CFAP91: variants seen among roughly 807,000 people sequenced by gnomAD.
The protein encoded by CFAP91 is cilia- and flagella-associated protein 91.
A neutral mutation model predicts 95.9 loss-of-function variants in CFAP91; 85 were observed. The observed-to-expected ratio is 0.89, with a 90% confidence interval of 0.74 to 1.06. The LOEUF (loss-of-function observed/expected upper bound fraction) is 1.06, where lower values mean the gene tolerates loss of function less well. Ranked by LOEUF, CFAP91 falls within the 50% of genes least tolerant of loss-of-function variation. CFAP91 has a pLI of 0.00. For synonymous variants in CFAP91, 335 were observed against 327.5 expected (o/e 1.02, Z -0.25); for missense variants, 962 against 943.4 (o/e 1.02, Z -0.26).
intron 17 of CFAP91, among the ~76,000 whole-genome samples, chr3:119,753,884 A>G (rs1403154731): frequency 2.0e-5 from 3 of 152,220 alleles, no homozygotes; most frequent in African/African-American, 7.2e-5. Flanking sequence ...CACAGTCTTT[A>G]AAATAACTAT....
intron 1 of CFAP91, among the ~76,000 whole-genome samples, chr3:119,703,584 A>G (rs2053301237): frequency 6.6e-6 from 1 of 151,694 alleles, no homozygotes. Flanking sequence ...TTTCTCTCCA[A>G]CTCTCTGGGC....
intron 13 of CFAP91, among the ~76,000 whole-genome samples, chr3:119,743,358 T>A (rs934978916): frequency 1.3e-5 from 2 of 152,130 alleles, no homozygotes; most frequent in African/African-American, 4.8e-5. Flanking sequence ...CCTCAGGTGA[T>A]CCACCCGCCT....
At chr3:119,707,831 C>T (rs182446691) in intron 3 of CFAP91, among the ~76,000 whole-genome samples, 284 of 151,406 alleles carry the variant, frequency 1.9e-3, no homozygotes, top group Middle Eastern at 6.9e-3. Context: ...AACTTAGCAA[C>T]TGAAAGTGCT....
intron 6 of CFAP91, among the ~76,000 whole-genome samples, chr3:119,718,435 A>G (rs1488749872): frequency 6.6e-6 from 1 of 152,204 alleles, no homozygotes; most frequent in Non-Finnish European, 1.5e-5. Context: ...AGATAAAAGA[A>G]AAGTAAGAGC....
At chr3:119,728,566 A>G (rs908201282) in intron 7 of CFAP91, among the ~76,000 whole-genome samples, 1 of 152,190 alleles carries the variant, frequency 6.6e-6, no homozygotes, top group African/African-American at 2.4e-5. Context: ...TTCTGACTCT[A>G]AAGAGAAAGG....
intron 10 of CFAP91, among the ~76,000 whole-genome samples, chr3:119,734,418 T>C (rs1306195915): frequency 6.6e-6 from 1 of 152,146 alleles, no homozygotes; most frequent in Non-Finnish European, 1.5e-5. Flanking sequence ...CATCATTCTG[T>C]CACTTTCTGT....
At chr3:119,726,393 A>T (rs752689347) in intron 7 of CFAP91, 45 bp downstream of exon 7, 45 of 1,525,784 alleles carry the variant, frequency 2.9e-5, no homozygotes, top group Non-Finnish European at 4.0e-5. Flanking sequence ...ACTGGTGGGA[A>T]TAATGTTAAT....
rs777968726 is a variant in CFAP91, at chr3:119,708,682, A to G, written c.443+8A>G. On this transcript the variant is annotated splice_region_variant and intron_variant, in intron 4 of 17. Transcript: ENST00000273390. ...CTATAAATACTTTGAAAGGTAGAACATAATTACTAATGAATATTTGAGCCC... is the reference window on the plus strand; with the variant it reads ...CTATAAATACTTTGAAAGGTAGAACGTAATTACTAATGAATATTTGAGCCC... 8 of 1,423,908 alleles carry G rather than the reference A, an allele frequency of 5.6e-6. No homozygotes were observed. The highest frequency in any genetic ancestry group is 4.3e-5 in the African/African-American group (3 of 69,986). The allele number at this position is 1,423,908 out of a possible 1,614,324, so 88.2% of individuals were successfully genotyped here.
chr3:119,715,500 T>C, intron 5 of CFAP91, 62 bp from the exon 6 acceptor site: 1 of 1,331,956 alleles, frequency 7.5e-7, no homozygotes. Context: ...TTCTACTTGA[T>C]TATATAATAT....
intron 17 of CFAP91, among the ~76,000 whole-genome samples, chr3:119,764,384 T>G (rs9682652): frequency 0.22 from 33,955 of 152,036 alleles, 3,954 homozygotes; most frequent in Admixed American, 0.26. Context: ...ATATAAAATT[T>G]ATTCTACCCA....
rs1577256707 is a variant in CFAP91, at chr3:119,765,578, A to G, written c.*528A>G. 6.6e-6 allele frequency: 1 copy of G among 152,338 alleles called. No individual in the cohort carries two copies. The highest frequency in any genetic ancestry group is 1.9e-4 in the East Asian group (1 of 5,190). 9.4% of individuals were successfully genotyped at this position (152,338 alleles called of 1,614,324 possible). Reference sequence around the variant, plus strand: ...ACTGGAAACCCAAGTGTCCATCTCCATCGGAACAGAAAACTATACTTTGGT... The same window carrying G: ...ACTGGAAACCCAAGTGTCCATCTCCGTCGGAACAGAAAACTATACTTTGGT... On this transcript the variant is annotated 3_prime_UTR_variant, in exon 18 of 18. Transcript: ENST00000273390.
At chr3:119,712,345 C>T (rs575813639) in intron 5 of CFAP91, among the ~76,000 whole-genome samples, 4 of 152,250 alleles carry the variant, frequency 2.6e-5, no homozygotes, top group South Asian at 2.1e-4. Context: ...TGGAAAGATA[C>T]GAAGCCAGAA....
chr3:119,722,827 A>G (rs1388115150), intron 6 of CFAP91, among the ~76,000 whole-genome samples: 1 of 151,866 alleles, frequency 6.6e-6, no homozygotes, highest in Non-Finnish European at 1.5e-5. Context: ...ATGAATAACA[A>G]AGTGCCTAGG....
chr3:119,710,158 A>G, intron 5 of CFAP91: 1 of 421,460 alleles, frequency 2.4e-6, no homozygotes, highest in Non-Finnish European at 4.2e-6. Flanking sequence ...GCATATGTTT[A>G]TATGTATATG....
chr3:119,751,177 A>G, intron 17 of CFAP91, 79 bp downstream of exon 17: 1 of 1,424,680 alleles, frequency 7.0e-7, no homozygotes, highest in Non-Finnish European at 9.3e-7. Flanking sequence ...CTGTGCTCAA[A>G]CAATCATAAT....
Position 119,751,049 on chromosome 3 carries a change from T to C in CFAP91, c.2256T>C (p.Asn752=). The C allele has an allele frequency of 3.1e-6, 5 of 1,613,136 alleles. No homozygotes were observed. Among genetic ancestry groups the C allele is most frequent in the Non-Finnish European group, 4.2e-6 (5 of 1,179,594 alleles). Reference sequence around the variant, plus strand: ...AGGGAGAGCAAGATGAGGCCTCAAATGCTGCCATGTTACTTGAGAAAGAAA... The same window carrying C: ...AGGGAGAGCAAGATGAGGCCTCAAACGCTGCCATGTTACTTGAGAAAGAAA... ...LTEGEQDEAS[N]AAMLLEKETQ... is the part of the protein sequence containing the mutation. The change falls in exon 17 of 18, where the codon AAT becomes AAC. Residue 752 remains asparagine (N), a synonymous_variant. Coordinates refer to ENST00000273390, the MANE Select transcript of CFAP91 (RefSeq NM_033364.4).
At chr3:119,732,882 A>G (rs1577223049) in intron 9 of CFAP91, among the ~76,000 whole-genome samples, 1 of 152,244 alleles carries the variant, frequency 6.6e-6, no homozygotes, top group African/African-American at 2.4e-5. Context: ...GGAGAGGACT[A>G]TACCTCTTAT....
In CFAP91 at chr3:119,740,815, T is replaced by C. The variant is rs911619781; in HGVS notation, c.1680+120T>C. 8 of 1,031,698 alleles carry C rather than the reference T, an allele frequency of 7.8e-6. No homozygotes were observed. The African/African-American group carries it at 1.1e-4, about 15-fold the overall frequency. 63.9% of individuals were successfully genotyped at this position (1,031,698 alleles called of 1,614,324 possible). On this transcript the variant is annotated intron_variant, in intron 13 of 17. Coordinates refer to ENST00000273390, the MANE Select transcript of CFAP91 (RefSeq NM_033364.4). Reference sequence around the variant, plus strand: ...TGATGAAAAAGAAACAGCCCCACAATCCCATCACTCTGTCAGCATTTGTGT... The same window carrying C: ...TGATGAAAAAGAAACAGCCCCACAACCCCATCACTCTGTCAGCATTTGTGT...
At chr3:119,711,169 C>G (rs746841993) in intron 5 of CFAP91, among the ~76,000 whole-genome samples, 10 of 152,134 alleles carry the variant, frequency 6.6e-5, no homozygotes, top group Non-Finnish European at 1.3e-4. Flanking sequence ...AAGATAAATG[C>G]TAGTTATGAC....
Sources: gnomAD v4.1 joint callset for allele counts (sites outside exome capture counted in the v4.1 genomes callset) on GRCh38, gnomAD v4.1.1 for gene constraint, MANE v1.5 for transcripts, NCBI Gene and HGNC (gene_info 2026-07-23, HGNC 2026-07-21) for gene names.